CLVS1: variants seen among roughly 807,000 people sequenced by gnomAD.
CLVS1 encodes clavesin-1.
In CLVS1, 10 loss-of-function variants were observed where a neutral mutation model predicts 33.1. The observed-to-expected ratio is 0.30, with a 90% CI of 0.19 to 0.51. The LOEUF (loss-of-function observed/expected upper bound fraction) is 0.51. CLVS1 is among the 20% of genes least tolerant of loss of function. The pLI is 0.97. For missense variants in CLVS1, 343 were observed against 433.4 expected (o/e 0.79, Z 1.85); for synonymous variants, 163 against 166.1 (o/e 0.98, Z 0.14).
chr8:61,461,870 A>C (rs1411623625), intron 5 of CLVS1, among the ~76,000 whole-genome samples: 3 of 152,174 alleles, frequency 2.0e-5, no homozygotes. Context: ...ACCCTGGAAA[A>C]ATGCTTGATA....
chr8:61,086,551 G>A (rs894668224), intron 1 of CLVS1, among the ~76,000 whole-genome samples: 3 of 151,798 alleles, frequency 2.0e-5, no homozygotes, highest in African/African-American at 7.3e-5. Context: ...TAGACCATAC[G>A]TAGTAGCAAT....
intron 1 of CLVS1, among the ~76,000 whole-genome samples, chr8:61,109,962 A>G (rs755221880): frequency 8.5e-5 from 13 of 152,180 alleles, no homozygotes; most frequent in Non-Finnish European, 1.5e-4. Flanking sequence ...AATAAATTTC[A>G]TTTCTTATAA....
At chr8:61,099,676 G>A (rs954117535) in intron 1 of CLVS1, among the ~76,000 whole-genome samples, 3 of 152,290 alleles carry the variant, frequency 2.0e-5, no homozygotes, top group South Asian at 2.1e-4. Context: ...AGAGTTTGGC[G>A]AGCAGGTCTC....
At chr8:61,469,715 A>G (rs957186553) in intron 5 of CLVS1, among the ~76,000 whole-genome samples, 2 of 152,230 alleles carry the variant, frequency 1.3e-5, no homozygotes, top group African/African-American at 2.4e-5. Context: ...GCAGTGTGGG[A>G]ACAGGAGGAC....
chr8:61,407,130 A>T (rs1011982819), intron 3 of CLVS1, among the ~76,000 whole-genome samples: 1 of 152,240 alleles, frequency 6.6e-6, no homozygotes, highest in African/African-American at 2.4e-5. Flanking sequence ...CACAAGGGGA[A>T]TTCCTCATAG....
At chr8:61,237,637 G>A (rs1808596286) in intron 2 of CLVS1, among the ~76,000 whole-genome samples, 1 of 152,138 alleles carries the variant, frequency 6.6e-6, no homozygotes, top group Non-Finnish European at 1.5e-5. Flanking sequence ...AAAAATTCTA[G>A]GACCTTGGGA....
chr8:61,067,374 T>C (rs1356354665), intron 1 of CLVS1, among the ~76,000 whole-genome samples: 6 of 150,202 alleles, frequency 4.0e-5, no homozygotes, highest in Non-Finnish European at 5.9e-5. Context: ...ATATAATGTG[T>C]GTGTACATAT....
At chr8:61,076,956 C>T (rs1348261777) in intron 1 of CLVS1, among the ~76,000 whole-genome samples, 1 of 152,212 alleles carries the variant, frequency 6.6e-6, no homozygotes, top group Non-Finnish European at 1.5e-5. Context: ...TCTGCGTTTC[C>T]CTGAGGCGTG....
upstream of CLVS1, among the ~76,000 whole-genome samples, chr8:61,056,496 AG>A (rs1295075311): frequency 6.6e-6 from 1 of 152,152 alleles, no homozygotes; most frequent in Non-Finnish European, 1.5e-5. Flanking sequence ...AAAATGTTCT[AG>A]TGGTCTGAGG....
At chr8:61,475,384 A>G (rs1817884561) in intron 5 of CLVS1, among the ~76,000 whole-genome samples, 1 of 152,206 alleles carries the variant, frequency 6.6e-6, no homozygotes, top group African/African-American at 2.4e-5. Context: ...AGCTTCCACA[A>G]TGGTTGAACT....
intron 2 of CLVS1, among the ~76,000 whole-genome samples, chr8:61,246,039 T>C (rs1019876293): frequency 2.6e-5 from 4 of 152,036 alleles, no homozygotes; most frequent in African/African-American, 9.7e-5. Context: ...CCCAAAGTTT[T>C]GGGATTATAG....
the CLVS1 span, among the ~76,000 whole-genome samples, chr8:60,989,756 G>A: frequency 2.6e-5 from 4 of 152,140 alleles, no homozygotes; most frequent in Non-Finnish European, 4.4e-5. Context: ...CTGCAAGAAA[G>A]CAGTCAACTA....
intron 5 of CLVS1, among the ~76,000 whole-genome samples, chr8:61,467,975 ATTTG>A (rs1390368234): frequency 6.6e-6 from 1 of 152,194 alleles, no homozygotes; most frequent in Non-Finnish European, 1.5e-5. Flanking sequence ...AAAACATTGC[ATTTG>A]TTAAATAATC....
At chr8:60,983,249 C>T in the CLVS1 span, among the ~76,000 whole-genome samples, 220 of 152,260 alleles carry the variant, frequency 1.4e-3, 1 homozygote, top group Non-Finnish European at 2.4e-3. Context: ...TGTTAGCAGG[C>T]GCTCACATAA....
At chr8:61,010,078 C>A in the CLVS1 span, among the ~76,000 whole-genome samples, 1 of 152,298 alleles carries the variant, frequency 6.6e-6, no homozygotes, top group Admixed American at 6.5e-5. Context: ...AAATAGACAG[C>A]AGAATCACTA....
chr8:60,997,707 C>T, the CLVS1 span, among the ~76,000 whole-genome samples: 3 of 152,160 alleles, frequency 2.0e-5, no homozygotes, highest in Admixed American at 6.5e-5. Flanking sequence ...AAGTGCAGGT[C>T]GAGGCATGCT....
intron 3 of CLVS1, among the ~76,000 whole-genome samples, chr8:61,425,042 T>C (rs10099610): frequency 0.6 from 90,583 of 152,002 alleles, 31,890 homozygotes; most frequent in Non-Finnish European, 0.79. Context: ...TATTCCAAAA[T>C]TTGAAAAGAT....
At chr8:61,470,439 G>GAACTGT (rs1232832848) in intron 5 of CLVS1, among the ~76,000 whole-genome samples, 1 of 152,192 alleles carries the variant, frequency 6.6e-6, no homozygotes, top group Non-Finnish European at 1.5e-5. Context: ...TTTCAAAAAT[G>GAACTGT]AACTGTTTGA....
chr8:61,306,607 A>C (rs1211388806), intron 2 of CLVS1, among the ~76,000 whole-genome samples: 1 of 152,214 alleles, frequency 6.6e-6, no homozygotes, highest in Non-Finnish European at 1.5e-5. Context: ...ATTGCCATAA[A>C]CATGGGAGTG....
Sources: gnomAD v4.1 joint callset for allele counts (sites outside exome capture counted in the v4.1 genomes callset) on GRCh38, gnomAD v4.1.1 for gene constraint, MANE v1.5 for transcripts, NCBI Gene and HGNC (gene_info 2026-07-23, HGNC 2026-07-21) for gene names.